The following NSUN3 variants were observed in gnomAD, a reference collection of about 807,000 sequenced individuals.
NSUN3 encodes the protein NOP2/Sun RNA methyltransferase 3.
A neutral mutation model predicts 36.8 loss-of-function variants in NSUN3; 24 were observed. The ratio of observed to expected loss-of-function variants is 0.65; its 90% CI spans 0.47 to 0.92. The LOEUF (loss-of-function observed/expected upper bound fraction) is 0.92, where lower values mean the gene tolerates loss of function less well. NSUN3 is among the 40% of genes least tolerant of loss of function. The pLI, the probability that NSUN3 is intolerant of heterozygous loss-of-function variation, is 0.00. For synonymous variants in NSUN3, 146 were observed against 145.2 expected (o/e 1.01, Z -0.04); for missense variants, 381 against 392.8 (o/e 0.97, Z 0.25).
intron 5 of NSUN3, 76 bp from the exon 6 acceptor site, chr3:94,126,135 A>C: frequency 1.6e-6 from 2 of 1,261,734 alleles, no homozygotes; most frequent in Non-Finnish European, 2.2e-6. Context: ...TTAAGTACGT[A>C]ATCTTTGCTG....
At chr3:94,083,854 A>G (rs2077281259) in intron 2 of NSUN3, among the ~76,000 whole-genome samples, 1 of 152,096 alleles carries the variant, frequency 6.6e-6, no homozygotes, top group Admixed American at 6.6e-5. Flanking sequence ...CAGTGATCAC[A>G]ATTAGTTTTT....
chr3:94,114,104 G>A (rs114383547), intron 5 of NSUN3, among the ~76,000 whole-genome samples: 1 of 152,150 alleles, frequency 6.6e-6, no homozygotes, highest in African/African-American at 2.4e-5. Context: ...TGTTAAAAGT[G>A]CCTGGAGGTA....
chr3:94,068,326 T>A (rs2077213198), intron 2 of NSUN3, among the ~76,000 whole-genome samples: 1 of 152,186 alleles, frequency 6.6e-6, no homozygotes, highest in South Asian at 2.1e-4. Flanking sequence ...GCAAAATTAG[T>A]TTTGCCCTTC....
chr3:94,063,181 C>A, intron 1 of NSUN3, 43 bp downstream of exon 1: 1 of 1,608,452 alleles, frequency 6.2e-7, no homozygotes. Context: ...CTGAATGAGA[C>A]GCTTCTGGAC....
At chr3:94,072,603 TG>T (rs1182635573) in intron 2 of NSUN3, among the ~76,000 whole-genome samples, 2 of 152,122 alleles carry the variant, frequency 1.3e-5, no homozygotes, top group Non-Finnish European at 2.9e-5. Context: ...TCAGGGAGGT[TG>T]GGGGCCGGGC....
At position 94,076,952 on chromosome 3, in the gene NSUN3, T is replaced by C. The variant is rs1295775675; in HGVS notation, c.123-7155T>C. 3.9e-6 allele frequency: 4 copies of C among 1,038,808 alleles called. No homozygotes were observed. In the East Asian group the frequency reaches 9.5e-5, roughly 25 times the overall value. 64.3% of individuals were successfully genotyped at this position (1,038,808 alleles called of 1,614,324 possible). A position where few individuals can be genotyped will look rare whatever the true frequency, so the allele number is the denominator to read the frequency against. Reference sequence around the variant, plus strand: ...GGCTATAACAAGATGTTTTTGTTCATCCAATGTGTGTGTGTACCCAGGACA... The same window carrying C: ...GGCTATAACAAGATGTTTTTGTTCACCCAATGTGTGTGTGTACCCAGGACA... On this transcript the variant is annotated intron_variant, in intron 2 of 5. Coordinates refer to ENST00000314622, the MANE Select transcript of NSUN3 (RefSeq NM_022072.5).
intron 2 of NSUN3, among the ~76,000 whole-genome samples, chr3:94,074,850 G>T (rs1421817691): frequency 6.6e-6 from 1 of 152,162 alleles, no homozygotes; most frequent in African/African-American, 2.4e-5. Flanking sequence ...TGTTGAATAG[G>T]AGTAGTGAGA....
intron 5 of NSUN3, among the ~76,000 whole-genome samples, chr3:94,124,030 T>G (rs1384921199): frequency 6.6e-6 from 1 of 152,124 alleles, no homozygotes; most frequent in African/African-American, 2.4e-5. Context: ...TTTGTATATG[T>G]GTATGTTTAT....
chr3:94,099,547 C>G (rs1282327306), intron 5 of NSUN3, among the ~76,000 whole-genome samples: 1 of 152,184 alleles, frequency 6.6e-6, no homozygotes, highest in Non-Finnish European at 1.5e-5. Context: ...CCTTCAGCAG[C>G]TGCTCTACAT....
At chr3:94,065,164 C>A (rs1214779779) in intron 2 of NSUN3, among the ~76,000 whole-genome samples, 2 of 152,048 alleles carry the variant, frequency 1.3e-5, no homozygotes, top group African/African-American at 4.8e-5. Context: ...ACTATATAAC[C>A]CTCTCTGGAA....
intron 5 of NSUN3, among the ~76,000 whole-genome samples, chr3:94,124,148 C>CTTTTTTTTTTTTTTTT (rs58987431): frequency 4.5e-5 from 4 of 88,182 alleles, no homozygotes; most frequent in African/African-American, 9.2e-5. Flanking sequence ...TATTTTATTT[C>CTTTTTTTTTTTTTTTT]TTTTTTTTTT....
At chr3:94,095,911 T>G (rs1432799396) in intron 5 of NSUN3, among the ~76,000 whole-genome samples, 1 of 110,822 alleles carries the variant, frequency 9.0e-6, no homozygotes, top group Non-Finnish European at 1.8e-5. Flanking sequence ...CAAGCCTAGC[T>G]AATTTTTTTT....
At chr3:94,098,508 G>C (rs555131731) in intron 5 of NSUN3, among the ~76,000 whole-genome samples, 21 of 151,884 alleles carry the variant, frequency 1.4e-4, no homozygotes, top group Admixed American at 9.2e-4. Flanking sequence ...TTTTAATTTG[G>C]GGATTTTCCA....
intron 2 of NSUN3, among the ~76,000 whole-genome samples, chr3:94,071,857 C>G (rs1201201291): frequency 6.6e-6 from 1 of 152,158 alleles, no homozygotes; most frequent in Non-Finnish European, 1.5e-5. Context: ...AGCTACTTGC[C>G]CATCCATAAA....
chr3:94,076,069 A>T, intron 2 of NSUN3: 1 of 1,588,500 alleles, frequency 6.3e-7, no homozygotes, highest in Admixed American at 1.7e-5. Flanking sequence ...TGGCAGTGTG[A>T]CCACCATGAA....
chr3:94,084,197 G>C lies in NSUN3; in HGVS notation c.213G>C (p.Leu71Phe), dbSNP rs144791420. ...TTGAACTGGAAAAGGATTTACATTT[G>C]AAGGGCTATCACACACTCTCTCAGG... ...YPFELEKDLH[L>F]KGYHTLSQGS... Residue 71 changes from leucine to phenylalanine, a missense_variant, in exon 3 of 6, where the codon TTG (leucine) becomes TTC (phenylalanine). Leu to Phe is a conservative substitution (Grantham distance 22, BLOSUM62 0). Coordinates refer to ENST00000314622, the MANE Select transcript of NSUN3 (RefSeq NM_022072.5). 1.4e-4 allele frequency: 233 copies of C among 1,614,072 alleles called. 1 individual carries two copies. In the African/African-American group the frequency reaches 2.9e-3, roughly 20 times the overall value.
intron 2 of NSUN3, among the ~76,000 whole-genome samples, chr3:94,065,461 A>G (rs1033650711): frequency 1.3e-5 from 2 of 152,194 alleles, no homozygotes; most frequent in Non-Finnish European, 2.9e-5. Context: ...GCATGAGGAA[A>G]AAAAGTTGCA....
At chr3:94,104,842 A>G (rs2077379440) in intron 5 of NSUN3, among the ~76,000 whole-genome samples, 1 of 152,250 alleles carries the variant, frequency 6.6e-6, no homozygotes, top group African/African-American at 2.4e-5. Context: ...TCAATGGATT[A>G]ATGTTAGAAG....
chr3:94,064,476 T>C lies in NSUN3; in HGVS notation c.52T>C (p.Cys18Arg), dbSNP rs769307463. The C allele has an allele frequency of 4.3e-6, 7 of 1,614,028 alleles. No individual in the cohort carries two copies. Among genetic ancestry groups the C allele is most frequent in the East Asian group, 4.5e-5 (2 of 44,852 alleles). The change falls in exon 2 of 6, where the codon TGC becomes CGC. Residue 18 changes from cysteine to arginine, a missense_variant. Coordinates refer to ENST00000314622, the MANE Select transcript of NSUN3 (RefSeq NM_022072.5). ...KSEGKLAKQI[C>R]KVVLDHFEKQ... ...AGAGGGGAAGCTTGCAAAACAGATTTGCAAAGTTGTGTTGGATCATTTTGA... is the reference window on the plus strand; with the variant it reads ...AGAGGGGAAGCTTGCAAAACAGATTCGCAAAGTTGTGTTGGATCATTTTGA...
Sources: gnomAD v4.1 joint callset for allele counts (sites outside exome capture counted in the v4.1 genomes callset) on GRCh38, gnomAD v4.1.1 for gene constraint, MANE v1.5 for transcripts, NCBI Gene and HGNC (gene_info 2026-07-23, HGNC 2026-07-21) for gene names.